The following ACOX3 variants were observed in gnomAD, a reference collection of about 807,000 sequenced individuals.
The protein encoded by ACOX3 is acyl-CoA oxidase 3, pristanoyl.
Under a neutral mutation model 81.5 loss-of-function variants are expected in ACOX3, and 73 were observed. The ratio of observed to expected loss-of-function variants is 0.90; its 90% CI spans 0.74 to 1.09. The LOEUF (loss-of-function observed/expected upper bound fraction) is 1.09. Among genes scored for constraint, ACOX3 ranks in the 50% least tolerant of loss-of-function variants. ACOX3 has a pLI of 0.00. For synonymous variants in ACOX3, 387 were observed against 375.1 expected, an observed-to-expected ratio of 1.03 and a Z score of -0.37; for missense variants, 947 against 928.0, an observed-to-expected ratio of 1.02 and a Z score of -0.27.
In ACOX3 at chr4:8,414,993, T is replaced by C. The variant is rs1722163027; in HGVS notation, c.379-65A>G. On this transcript the variant is annotated intron_variant, in intron 3 of 17. Transcript: ENST00000356406. This position sits in a 1 kb window ranked among gnomAD's most constrained non-coding sequence, Gnocchi z 6.1. ...AGAAGAGTACTGCTCTTCCGGAACA[T>C]CACAACAGACAACGGCACTCAACAC... 7 of 1,457,120 alleles carry C rather than the reference T, an allele frequency of 4.8e-6. No individual in the cohort carries two copies. In the South Asian group the frequency reaches 8.0e-5, roughly 17 times the overall value. The allele number at this position is 1,457,120 out of a possible 1,614,324, so 90.3% of individuals were successfully genotyped here. A position where few individuals can be genotyped will look rare whatever the true frequency, so the allele number is the denominator to read the frequency against.
chr4:8,398,544 C>T (rs1170773131), intron 8 of ACOX3, among the ~76,000 whole-genome samples: 2 of 152,162 alleles, frequency 1.3e-5, no homozygotes, highest in South Asian at 2.1e-4. Flanking sequence ...TGCAGTGATG[C>T]AATCATAGCT....
Position 8,410,199 on chromosome 4 carries a change from C to T in ACOX3, c.687+13G>A, listed in dbSNP as rs1019318633. ...AAACACTGCCCCCACTGAGGGCCAC[C>T]CCAGCGTCCTACCTGCACGATAAAG... On this transcript the variant is annotated intron_variant, in intron 6 of 17. Coordinates refer to ENST00000356406, the MANE Select transcript of ACOX3 (RefSeq NM_003501.3). 1.2e-6 allele frequency: 2 copies of T among 1,611,732 alleles called. No individual in the cohort carries two copies. Among genetic ancestry groups the T allele is most frequent in the Admixed American group, 3.3e-5 (2 of 59,802 alleles).
In ACOX3 at chr4:8,399,498, C is replaced by G; in HGVS notation, c.873+58G>C. 6.9e-7 allele frequency: 1 copy of G among 1,440,244 alleles called. No homozygotes were observed. Among genetic ancestry groups the G allele is most frequent in the Non-Finnish European group, 9.7e-7 (1 of 1,025,644 alleles). The allele number at this position is 1,440,244 out of a possible 1,614,324, so 89.2% of individuals were successfully genotyped here. A position where few individuals can be genotyped will look rare whatever the true frequency, so the allele number is the denominator to read the frequency against. On this transcript the variant is annotated intron_variant, in intron 8 of 17. Transcript: ENST00000356406. This position sits in a 1 kb window ranked among gnomAD's most constrained non-coding sequence, Gnocchi z 4.9. ...GTGCAGGGAGGAGCACAGAGCCAGG[C>G]CCTGCAGAGGAAGGCACCTGGGAAG... is the stretch of plus-strand genomic sequence containing the variant.
rs1304620796 is a variant in ACOX3 at position 8,431,908 on chromosome 4, G to A, written c.-15+8740C>T. ...AAGCTAAAGTTGCCTCCCACCCTCC[G>A]GTCATTTGTCTCCATTTATCCCTTC... On this transcript the variant is annotated intron_variant, in intron 1 of 17. Coordinates refer to ENST00000356406, the MANE Select transcript of ACOX3 (RefSeq NM_003501.3). This position sits in a 1 kb window ranked among gnomAD's most constrained non-coding sequence, Gnocchi z 5.3. Among the ~76,000 whole-genome samples, 1 of 152,174 alleles carries A rather than the reference G, an allele frequency of 6.6e-6. No homozygotes were observed. Among genetic ancestry groups the A allele is most frequent in the Admixed American group, 6.5e-5 (1 of 15,282 alleles).
chr4:8,420,464 TCAGCTCACACCAGAC>T (rs1722818364), intron 1 of ACOX3, among the ~76,000 whole-genome samples: 1 of 152,146 alleles, frequency 6.6e-6, no homozygotes, highest in Non-Finnish European at 1.5e-5. Flanking sequence ...GGCTTGTAAC[TCAGCTCACACCAGAC>T]CAATCAGGTA....
intron 7 of ACOX3, among the ~76,000 whole-genome samples, chr4:8,404,980 T>C (rs1429205368): frequency 6.6e-6 from 1 of 152,004 alleles, no homozygotes. Flanking sequence ...AGGCACCAAA[T>C]GGGCCAGTGG....
intron 6 of ACOX3, among the ~76,000 whole-genome samples, chr4:8,408,225 A>T (rs980643857): frequency 6.6e-6 from 1 of 151,980 alleles, no homozygotes; most frequent in Non-Finnish European, 1.5e-5. Context: ...AAAATCTTTC[A>T]GCAAGGCCCA....
In ACOX3 at chr4:8,421,162, T is replaced by C. The variant is rs1722899263; in HGVS notation, c.-14-4627A>G. 2.0e-5 allele frequency among the ~76,000 whole-genome samples: 3 copies of C among 152,158 alleles called. No individual in the cohort carries two copies. In the South Asian group the frequency reaches 6.2e-4, roughly 32 times the overall value. ...CTCGTATGGGGATTCTCCAAAGCGG[T>C]GAGTAATATTGAACCACTTTCACTT... On this transcript the variant is annotated intron_variant, in intron 1 of 17. Coordinates refer to ENST00000356406, the MANE Select transcript of ACOX3 (RefSeq NM_003501.3).
chr4:8,410,439 T>C (rs1721593931), intron 5 of ACOX3, 84 bp from the exon 6 acceptor site: 11 of 1,519,196 alleles, frequency 7.2e-6, no homozygotes, highest in Non-Finnish European at 9.9e-6. Flanking sequence ...ACAGATTCCA[T>C]TTTCTACGTT....
Position 8,430,049 on chromosome 4 carries a change from G to A in ACOX3, c.-15+10599C>T, listed in dbSNP as rs1335021055. Among the ~76,000 whole-genome samples, 1 of 152,218 alleles carries A rather than the reference G, an allele frequency of 6.6e-6. No homozygotes were observed. The highest frequency in any genetic ancestry group is 1.5e-5 in the Non-Finnish European group (1 of 68,048). On this transcript the variant is annotated intron_variant, in intron 1 of 17. Transcript: ENST00000356406. This position sits in a 1 kb window ranked among gnomAD's most constrained non-coding sequence, Gnocchi z 5.2. ...AATTTTAAATGTGTATCAAGTTTAA[G>A]ATGTTGGTAGGACATCTGGGTGGGG...
rs1037503078 is a variant in ACOX3, at chr4:8,419,770, A to G, written c.-14-3235T>C. 6.6e-6 allele frequency among the ~76,000 whole-genome samples: 1 copy of G among 152,156 alleles called. No homozygotes were observed. Among genetic ancestry groups the G allele is most frequent in the East Asian group, 1.9e-4 (1 of 5,190 alleles). ...TGGAGATGCCCATACTGAGTGTTCAACACTGAATTCAGCCTCTCAGCCCTG... is the reference window on the plus strand; with the variant it reads ...TGGAGATGCCCATACTGAGTGTTCAGCACTGAATTCAGCCTCTCAGCCCTG... On this transcript the variant is annotated intron_variant, in intron 1 of 17. Coordinates refer to ENST00000356406, the MANE Select transcript of ACOX3 (RefSeq NM_003501.3). This position sits in a 1 kb window ranked among gnomAD's most constrained non-coding sequence, Gnocchi z 4.2.
chr4:8,408,620 A>G (rs1236082990), intron 6 of ACOX3, among the ~76,000 whole-genome samples: 1 of 152,184 alleles, frequency 6.6e-6, no homozygotes, highest in Admixed American at 6.5e-5. Flanking sequence ...AATCACAGAA[A>G]CAAGGCACAC....
rs766061430 is a variant in ACOX3, at chr4:8,414,382, C to G, written c.454-1G>C. On this transcript the variant is annotated splice_acceptor_variant, in intron 4 of 17. Transcript: ENST00000356406. LOFTEE classifies it high-confidence loss of function. The surrounding 1 kb of genome is among the most constrained non-coding windows in gnomAD (Gnocchi z 6.1). Reference sequence around the variant, plus strand: ...CGGTCAGAGCAAAACATCCAAAAATCTAAATGTCAAAGCACAAAATGATGG... The same window carrying G: ...CGGTCAGAGCAAAACATCCAAAAATGTAAATGTCAAAGCACAAAATGATGG... 2.0e-5 allele frequency: 33 copies of G among 1,613,812 alleles called. No individual in the cohort carries two copies. In the East Asian group the frequency reaches 7.1e-4, roughly 35 times the overall value.
Position 8,416,985 on chromosome 4 carries a change from C to A in ACOX3, c.-14-450G>T, listed in dbSNP as rs577995486. On this transcript the variant is annotated intron_variant, in intron 1 of 17. Transcript: ENST00000356406. This position sits in a 1 kb window ranked among gnomAD's most constrained non-coding sequence, Gnocchi z 4.2. ...TCCACTCTGGCCACACACAATGGTA[C>A]CTCACGTCTCCACCCACCGCCGGTC... is the stretch of plus-strand genomic sequence containing the variant. Among the ~76,000 whole-genome samples, 4 of 152,224 alleles carry A rather than the reference C, an allele frequency of 2.6e-5. No individual in the cohort carries two copies. Among genetic ancestry groups the A allele is most frequent in the Admixed American group, 2.0e-4 (3 of 15,282 alleles).
the ACOX3 span, among the ~76,000 whole-genome samples, chr4:8,360,043 G>A: frequency 6.6e-6 from 1 of 152,148 alleles, no homozygotes; most frequent in East Asian, 1.9e-4. Context: ...TACAAACTTT[G>A]CTGCAGGTCC....
intron 1 of ACOX3, among the ~76,000 whole-genome samples, chr4:8,418,692 G>A (rs904615128): frequency 6.7e-6 from 1 of 150,032 alleles, no homozygotes; most frequent in East Asian, 2.0e-4. Flanking sequence ...AAACCCCATC[G>A]CTACTGAAAA....
chr4:8,422,820 A>T (rs193109817), intron 1 of ACOX3, among the ~76,000 whole-genome samples: 3 of 152,330 alleles, frequency 2.0e-5, no homozygotes, highest in African/African-American at 7.2e-5. Flanking sequence ...CAAATGCCTG[A>T]TAGGGCTTGC....
At position 8,386,493 on chromosome 4, in the gene ACOX3, G is replaced by A. The variant is rs143932454; in HGVS notation, c.1537+2680C>T. 4.3e-3 allele frequency among the ~76,000 whole-genome samples: 655 copies of A among 151,528 alleles called. 6 individuals carry two copies. Among genetic ancestry groups the A allele is most frequent in the African/African-American group, 0.015 (608 of 41,248 alleles). On this transcript the variant is annotated intron_variant, in intron 13 of 17. Coordinates refer to ENST00000356406, the MANE Select transcript of ACOX3 (RefSeq NM_003501.3). The surrounding 1 kb of genome is among the most constrained non-coding windows in gnomAD (Gnocchi z 5.2). ...AGGCAGGAGAATGGCGAGAACCTGG[G>A]AGGTGGAGCTTGCAGTGAGCCGAGA...
chr4:8,388,389 T>C (rs141904546), intron 13 of ACOX3, among the ~76,000 whole-genome samples: 1 of 152,294 alleles, frequency 6.6e-6, no homozygotes, highest in Non-Finnish European at 1.5e-5. Flanking sequence ...AGTGAGCACA[T>C]AACGAGCACG....
Sources: gnomAD v4.1 joint callset for allele counts (sites outside exome capture counted in the v4.1 genomes callset) on GRCh38, gnomAD v4.1.1 for gene constraint, Gnocchi (gnomAD v3.1) non-coding constraint, MANE v1.5 for transcripts, NCBI Gene and HGNC (gene_info 2026-07-23, HGNC 2026-07-21) for gene names.